Variants in GAB1 observed in about 807,000 individuals in gnomAD.
The protein encoded by GAB1 is GRB2-associated-binding protein 1.
GAB1 carries 19 observed loss-of-function variants against 66.5 expected under a neutral mutation model. The observed-to-expected ratio is 0.29, with a 90% confidence interval of 0.20 to 0.42. The LOEUF (loss-of-function observed/expected upper bound fraction) is 0.42, where lower values mean the gene tolerates loss of function less well. GAB1 is among the 10% of genes least tolerant of loss of function. The probability of loss-of-function intolerance (pLI) is 1.00; values close to 1 mark genes in which losing one functional copy is unlikely to be tolerated. For synonymous variants in GAB1, 294 were observed against 301.4 expected (o/e 0.98, Z 0.25); for missense variants, 732 against 858.5 (o/e 0.85, Z 1.84).
intron 6 of GAB1, among the ~76,000 whole-genome samples, chr4:143,447,957 A>G (rs539379518): frequency 1.1e-4 from 17 of 152,142 alleles, no homozygotes; most frequent in Non-Finnish European, 1.9e-4. Context: ...TTTGAGATAC[A>G]TCCCATCAAT....
At position 143,469,472 on chromosome 4, in the gene GAB1, C is replaced by CT. The variant is rs1735977057; in HGVS notation, c.*288dup. The CT allele has an allele frequency of 3.6e-6, 1 of 275,108 alleles. No homozygotes were observed. The highest frequency in any genetic ancestry group is 7.1e-6 in the Non-Finnish European group (1 of 141,174). The allele number at this position is 275,108 out of a possible 1,614,324, so 17.0% of individuals were successfully genotyped here. A position where few individuals can be genotyped will look rare whatever the true frequency, so the allele number is the denominator to read the frequency against. ...CTCGTAGTATTACTGTATTTATGCA[C>CT]TTTTTCATCTAAAACATTGTTCTGG... On this transcript the variant is annotated 3_prime_UTR_variant, in exon 10 of 10. Transcript: ENST00000262994.
rs1734118661 is a variant in GAB1, at chr4:143,439,639, A to G, written c.1196-163A>G. On this transcript the variant is annotated intron_variant, in intron 4 of 9. Coordinates refer to ENST00000262994, the MANE Select transcript of GAB1 (RefSeq NM_002039.4). ...TGTCTGCATTTTCTAGTGGTTTAAT[A>G]TGCCAATTCAAGACACAGTTCTATG... 5.1e-6 allele frequency: 3 copies of G among 584,914 alleles called. No individual in the cohort carries two copies. The Admixed American group carries it at 8.8e-5, about 17-fold the overall frequency. The allele number at this position is 584,914 out of a possible 1,614,324, so 36.2% of individuals were successfully genotyped here.
rs1167103994 is a variant in GAB1 at position 143,433,469 on chromosome 4, T to C, written c.368-22T>C. On this transcript the variant is annotated intron_variant, in intron 2 of 9. Transcript: ENST00000262994. Reference sequence around the variant, plus strand: ...AATTGTTTAACTGTGATAGACGTGATAGTTAAACTTTGGTGTTGCAGATCC... The same window carrying C: ...AATTGTTTAACTGTGATAGACGTGACAGTTAAACTTTGGTGTTGCAGATCC... The C allele has an allele frequency of 3.2e-6, 5 of 1,563,338 alleles. No homozygotes were observed. The South Asian group carries it at 4.4e-5, about 14-fold the overall frequency.
intron 6 of GAB1, among the ~76,000 whole-genome samples, chr4:143,447,304 T>C (rs1734612747): frequency 1.3e-5 from 2 of 152,192 alleles, no homozygotes; most frequent in South Asian, 4.1e-4. Context: ...ATATGAACTT[T>C]AAAGTAGTTT....
chr4:143,470,291 A>G lies in GAB1; in HGVS notation c.*1102A>G, dbSNP rs1736012908. ...ATTCCCTATGCAATTAATATTTTAT[A>G]TCTGCATTTTTTTAAAAAAAATAGA... is the stretch of plus-strand genomic sequence containing the variant. On this transcript the variant is annotated 3_prime_UTR_variant, in exon 10 of 10. Transcript: ENST00000262994. 6.6e-6 allele frequency: 1 copy of G among 152,130 alleles called. No individual in the cohort carries two copies. The highest frequency in any genetic ancestry group is 2.4e-5 in the African/African-American group (1 of 41,432). The allele number at this position is 152,130 out of a possible 1,614,324, so 9.4% of individuals were successfully genotyped here. A position where few individuals can be genotyped will look rare whatever the true frequency, so the allele number is the denominator to read the frequency against.
At chr4:143,355,090 AAGG>A (rs538475992) in intron 1 of GAB1, among the ~76,000 whole-genome samples, 374 of 152,332 alleles carry the variant, frequency 2.5e-3, no homozygotes, top group African/African-American at 8.3e-3. Flanking sequence ...GAAATACCTC[AAGG>A]AGAAGAAAAT....
intron 1 of GAB1, among the ~76,000 whole-genome samples, chr4:143,362,689 G>T (rs1236172137): frequency 1.3e-5 from 2 of 152,206 alleles, no homozygotes; most frequent in Non-Finnish European, 2.9e-5. Context: ...CAGTGAGGAT[G>T]ACCAGAGCTC....
At chr4:143,448,070 G>T (rs1056036564) in intron 6 of GAB1, among the ~76,000 whole-genome samples, 1 of 151,440 alleles carries the variant, frequency 6.6e-6, no homozygotes, top group Non-Finnish European at 1.5e-5. Context: ...CTTTGGTTCT[G>T]TCTTTATATG....
intron 1 of GAB1, among the ~76,000 whole-genome samples, chr4:143,337,962 T>C (rs1365263422): frequency 6.6e-6 from 1 of 152,140 alleles, no homozygotes; most frequent in East Asian, 1.9e-4. Flanking sequence ...GGCTGGTGTT[T>C]GGGCGCCTTG....
chr4:143,456,507 C>T (rs550958808), intron 6 of GAB1, among the ~76,000 whole-genome samples: 4 of 151,126 alleles, frequency 2.6e-5, no homozygotes, highest in African/African-American at 4.9e-5. Context: ...AAGGGTCCTG[C>T]GGGTATGGGC....
intron 6 of GAB1, among the ~76,000 whole-genome samples, chr4:143,441,944 G>A (rs1026549775): frequency 2.6e-5 from 4 of 152,334 alleles, no homozygotes; most frequent in African/African-American, 9.6e-5. Context: ...CACCCACGAC[G>A]ACCCAGTCTG....
intron 6 of GAB1, among the ~76,000 whole-genome samples, chr4:143,441,940 C>T (rs1333598555): frequency 2.0e-5 from 3 of 152,192 alleles, no homozygotes; most frequent in South Asian, 2.1e-4. Flanking sequence ...GTCACACCCA[C>T]GACGACCCAG....
chr4:143,446,063 G>A (rs1283471582), intron 6 of GAB1, among the ~76,000 whole-genome samples: 4 of 151,972 alleles, frequency 2.6e-5, no homozygotes, highest in Non-Finnish European at 5.9e-5. Context: ...TTGTCCTTGC[G>A]ATAGTTTACT....
intron 2 of GAB1, chr4:143,425,555 C>T (rs6817754): frequency 0.055 from 41,679 of 762,772 alleles, 3,421 homozygotes; most frequent in African/African-American, 0.31. Context: ...GAGCTCACTC[C>T]GTGGGTTTGA....
chr4:143,364,940 C>T (rs1229529586), intron 1 of GAB1, among the ~76,000 whole-genome samples: 1 of 139,316 alleles, frequency 7.2e-6, no homozygotes, highest in African/African-American at 2.8e-5. Flanking sequence ...TGCAGTGGCG[C>T]TATCTCGGGT....
At chr4:143,395,607 A>G (rs3828512) in intron 1 of GAB1, 111,473 of 255,568 alleles carry the variant, frequency 0.44, 25,388 homozygotes, top group South Asian at 0.58. Flanking sequence ...AACTCTGGAA[A>G]TTAAAGACCT....
At chr4:143,371,134 A>G (rs1313128147) in intron 1 of GAB1, among the ~76,000 whole-genome samples, 2 of 152,102 alleles carry the variant, frequency 1.3e-5, no homozygotes, top group Admixed American at 1.3e-4. Context: ...ACTGACTTCC[A>G]CAATGGTTGA....
intron 1 of GAB1, among the ~76,000 whole-genome samples, chr4:143,382,446 T>C (rs554707292): frequency 6.6e-6 from 1 of 152,374 alleles, no homozygotes; most frequent in South Asian, 2.1e-4. Context: ...TGCTTTTATT[T>C]TCTGCTTTGC....
intron 1 of GAB1, among the ~76,000 whole-genome samples, chr4:143,375,070 C>T (rs1025194082): frequency 6.6e-6 from 1 of 152,170 alleles, no homozygotes; most frequent in Admixed American, 6.5e-5. Context: ...GCTTCAGCCT[C>T]CTGAATAGCT....
Sources: allele counts gnomAD v4.1 joint callset (sites outside exome capture counted in the v4.1 genomes callset), GRCh38; gene constraint gnomAD v4.1.1; transcripts MANE v1.5; gene names NCBI Gene and HGNC (gene_info 2026-07-23, HGNC 2026-07-21).